Variants in SCD5 observed in about 807,000 individuals in gnomAD.
SCD5 encodes the protein acyl-CoA-desaturase 4.
SCD5 carries 20 observed loss-of-function variants against 30.4 expected under a neutral mutation model. The observed-to-expected ratio is 0.66, with a 90% CI of 0.46 to 0.96. The LOEUF (loss-of-function observed/expected upper bound fraction) is 0.96, where lower values mean the gene tolerates loss of function less well. SCD5 is among the 40% of genes least tolerant of loss of function. SCD5 has a pLI of 0.00. For synonymous variants in SCD5, 173 were observed against 176.4 expected, an observed-to-expected ratio of 0.98 and a Z score of 0.16; for missense variants, 381 against 443.3, an observed-to-expected ratio of 0.86 and a Z score of 1.26.
At chr4:82,679,199 CAAAAA>C (rs35560907) in intron 3 of SCD5, among the ~76,000 whole-genome samples, 3 of 23,810 alleles carry the variant, frequency 1.3e-4, no homozygotes, top group Non-Finnish European at 2.7e-4. Context: ...ACTCCATCTC[CAAAAA>C]AAAAAAAAAA....
At chr4:82,761,674 C>T (rs1307115126) in intron 1 of SCD5, among the ~76,000 whole-genome samples, 2 of 152,010 alleles carry the variant, frequency 1.3e-5, no homozygotes, top group Non-Finnish European at 2.9e-5. Context: ...TGGTGCACTG[C>T]ACCCACTAAC....
intron 3 of SCD5, among the ~76,000 whole-genome samples, chr4:82,649,202 TG>T (rs1727694805): frequency 6.6e-6 from 1 of 151,540 alleles, no homozygotes; most frequent in Non-Finnish European, 1.5e-5. Context: ...TGTGTGTGTG[TG>T]TGTGTGTGTG....
intron 1 of SCD5, among the ~76,000 whole-genome samples, chr4:82,767,565 T>A (rs932396162): frequency 6.6e-6 from 1 of 152,240 alleles, no homozygotes; most frequent in Non-Finnish European, 1.5e-5. Flanking sequence ...GTCTAGTTTT[T>A]TAGTTGTTTC....
chr4:82,630,651 T>G lies in SCD5; in HGVS notation c.*676A>C, dbSNP rs552002366. On this transcript the variant is annotated 3_prime_UTR_variant, in exon 5 of 5. Transcript: ENST00000319540. ...ACTCTAATGTTAAATCGTAGTAATA[T>G]TGACTTGAAAAGTTTTTTAGGCTGG... 6.6e-6 allele frequency: 1 copy of G among 152,198 alleles called. No homozygotes were observed. The highest frequency in any genetic ancestry group is 2.1e-4 in the South Asian group (1 of 4,824). The allele number at this position is 152,198 out of a possible 1,614,324, so 9.4% of individuals were successfully genotyped here. A position where few individuals can be genotyped will look rare whatever the true frequency, so the allele number is the denominator to read the frequency against.
intron 1 of SCD5, among the ~76,000 whole-genome samples, chr4:82,722,906 A>G (rs1276694759): frequency 1.3e-5 from 2 of 151,926 alleles, no homozygotes; most frequent in Non-Finnish European, 2.9e-5. Context: ...CGTCTCCACT[A>G]CAAATACAAA....
At chr4:82,729,293 G>C (rs1418877287) in intron 1 of SCD5, among the ~76,000 whole-genome samples, 1 of 152,208 alleles carries the variant, frequency 6.6e-6, no homozygotes, top group Non-Finnish European at 1.5e-5. Flanking sequence ...CAGAAGGAAG[G>C]AGGGGCTGTA....
chr4:82,756,740 C>G (rs1721242993), intron 1 of SCD5, among the ~76,000 whole-genome samples: 1 of 149,256 alleles, frequency 6.7e-6, no homozygotes, highest in South Asian at 2.1e-4. Context: ...CTACTTGTAG[C>G]CGCCCTCACC....
chr4:82,708,919 T>TA (rs11269316), intron 1 of SCD5, among the ~76,000 whole-genome samples: 12 of 151,854 alleles, frequency 7.9e-5, no homozygotes, highest in Non-Finnish European at 1.8e-4. Context: ...TAATAAATAA[T>TA]ATTGACTGAG....
intron 3 of SCD5, among the ~76,000 whole-genome samples, chr4:82,670,540 A>G (rs1182321500): frequency 6.6e-6 from 1 of 152,182 alleles, no homozygotes; most frequent in African/African-American, 2.4e-5. Flanking sequence ...TAGAAAAAAG[A>G]AAAATTGCAA....
At chr4:82,780,512 C>G in intron 1 of SCD5, among the ~76,000 whole-genome samples, 1 of 152,240 alleles carries the variant, frequency 6.6e-6, no homozygotes, top group East Asian at 1.9e-4. Context: ...TGCCAGTCTC[C>G]AAGCAGGTGC....
chr4:82,762,440 A>G (rs1354693646), intron 1 of SCD5, among the ~76,000 whole-genome samples: 2 of 152,054 alleles, frequency 1.3e-5, no homozygotes, highest in Non-Finnish European at 2.9e-5. Context: ...ACGAGGTTTC[A>G]CCATGTTGGC....
intron 4 of SCD5, among the ~76,000 whole-genome samples, chr4:82,636,167 A>C (rs998253619): frequency 6.6e-5 from 10 of 152,240 alleles, no homozygotes; most frequent in Admixed American, 4.6e-4. Context: ...TGACTTGTCC[A>C]AGAGTCAGGA....
chr4:82,636,278 T>TAA (rs34221980), intron 4 of SCD5, among the ~76,000 whole-genome samples: 24 of 140,434 alleles, frequency 1.7e-4, no homozygotes, highest in African/African-American at 5.2e-4. Flanking sequence ...CCATCTCTAC[T>TAA]AAAAAAAAAA....
chr4:82,702,130 C>CTTTTTTTTTTTTTTTTTTTTTTTTTT (rs10701664), intron 2 of SCD5, among the ~76,000 whole-genome samples: 2 of 64,072 alleles, frequency 3.1e-5, no homozygotes, highest in Non-Finnish European at 5.5e-5. Context: ...CCATCATCAT[C>CTTTTTTTTTTTTTTTTTTTTTTTTTT]TTTTTTTTTT....
In SCD5 at chr4:82,631,298, G is replaced by C; in HGVS notation, c.*29C>G. 2 of 1,601,070 alleles carry C rather than the reference G, an allele frequency of 1.2e-6. No homozygotes were observed. The highest frequency in any genetic ancestry group is 1.1e-5 in the South Asian group (1 of 90,024). On this transcript the variant is annotated 3_prime_UTR_variant, in exon 5 of 5. Transcript: ENST00000319540. ...CAAAGCCATGAACCGAGGTTGCAAC[G>C]GCAGACATGTGGGATGGCTGTTCCA... is the stretch of plus-strand genomic sequence containing the variant.
chr4:82,760,831 C>T (rs1272037144), intron 1 of SCD5, among the ~76,000 whole-genome samples: 5 of 152,174 alleles, frequency 3.3e-5, no homozygotes, highest in Admixed American at 2.0e-4. Flanking sequence ...AATTCATCCC[C>T]CTATCTAGAC....
At chr4:82,681,946 A>C (rs886777491) in intron 2 of SCD5, among the ~76,000 whole-genome samples, 1 of 152,158 alleles carries the variant, frequency 6.6e-6, no homozygotes, top group Non-Finnish European at 1.5e-5. Context: ...CCAGTAGTTT[A>C]AAAAAACCCA....
At chr4:82,653,532 G>T (rs1287910141) in intron 3 of SCD5, among the ~76,000 whole-genome samples, 2 of 151,978 alleles carry the variant, frequency 1.3e-5, no homozygotes, top group East Asian at 3.9e-4. Flanking sequence ...TAAAATGTTG[G>T]TTATTACAGT....
intron 3 of SCD5, among the ~76,000 whole-genome samples, chr4:82,665,057 C>T (rs1169487214): frequency 6.9e-5 from 2 of 28,974 alleles, no homozygotes; most frequent in Admixed American, 5.5e-4. Flanking sequence ...TATATACACA[C>T]ACACATATAT....
Sources: gnomAD v4.1 joint callset for allele counts (sites outside exome capture counted in the v4.1 genomes callset) on GRCh38, gnomAD v4.1.1 for gene constraint, MANE v1.5 for transcripts, NCBI Gene and HGNC (gene_info 2026-07-23, HGNC 2026-07-21) for gene names.